The following PXDN variants were observed in gnomAD, a reference collection of about 807,000 sequenced individuals.
PXDN encodes peroxidasin homolog.
In PXDN, 77 loss-of-function variants were observed where a neutral mutation model predicts 140.3. The ratio of observed to expected loss-of-function variants is 0.55; its 90% CI spans 0.46 to 0.66. PXDN has a LOEUF of 0.66. Among genes scored for constraint, PXDN ranks in the 30% least tolerant of loss-of-function variants. PXDN has a pLI of 0.00. For synonymous variants in PXDN, 911 were observed against 857.4 expected (o/e 1.06, Z -1.09); for missense variants, 1,838 against 2,039.5 (o/e 0.90, Z 1.90).
chr2:1,673,838 T>G lies in PXDN; in HGVS notation c.849-26A>C, dbSNP rs762930013. The G allele has an allele frequency of 6.2e-6, 10 of 1,612,978 alleles. No homozygotes were observed. In the East Asian group the frequency reaches 2.0e-4, roughly 32 times the overall value. ...CTACAAAGACAGAAATATGGTCTGG[T>G]CAAGTGTTGAAAGCACAAAGACGTA... is the stretch of plus-strand genomic sequence containing the variant. On this transcript the variant is annotated intron_variant, in intron 8 of 22. Transcript: ENST00000252804.
Position 1,649,522 on chromosome 2 carries a change from T to A in PXDN, c.2258A>T (p.His753Leu). ...THDGTCNNLQ[H>L]PMWGASLTAF... ...GGTCAGCGAGGCGCCCCACATGGGG[T>A]GCTGCAGGTTGTTACAGGTGCCGTC... The change falls in exon 17 of 23, where the codon CAC (histidine) becomes CTC (leucine). Residue 753 changes from histidine to leucine, a missense_variant. Around this residue, in one of 5 missense-constraint regions of PXDN, gnomAD observed 537 missense variants for 583.9 expected, o/e 0.92. Coordinates refer to ENST00000252804, the MANE Select transcript of PXDN (RefSeq NM_012293.3). This position sits in a 1 kb window ranked among gnomAD's most constrained non-coding sequence, Gnocchi z 7.1. The A allele has an allele frequency of 6.2e-7, 1 of 1,613,926 alleles. No individual in the cohort carries two copies. Among genetic ancestry groups the A allele is most frequent in the South Asian group, 1.1e-5 (1 of 91,084 alleles).
Position 1,639,726 on chromosome 2 carries a change from C to T in PXDN, c.3953-304G>A, listed in dbSNP as rs1407036216. ...CACACCCTCGCGGAGTTCCCTCCAC[C>T]CACAGATGGAGGCTCAGGCACTCTG... On this transcript the variant is annotated intron_variant, in intron 19 of 22. Coordinates refer to ENST00000252804, the MANE Select transcript of PXDN (RefSeq NM_012293.3). This position sits in a 1 kb window ranked among gnomAD's most constrained non-coding sequence, Gnocchi z 5.0. 3.3e-5 allele frequency among the ~76,000 whole-genome samples: 5 copies of T among 152,176 alleles called. No individual in the cohort carries two copies. Among genetic ancestry groups the T allele is most frequent in the Admixed American group, 1.3e-4 (2 of 15,290 alleles).
intron 1 of PXDN, among the ~76,000 whole-genome samples, chr2:1,699,361 A>T (rs1470108461): frequency 1.3e-5 from 2 of 151,452 alleles, no homozygotes; most frequent in Admixed American, 1.3e-4. Context: ...AACAATCTTG[A>T]CTTTTCCCAT....
Position 1,648,179 on chromosome 2 carries a change from G to T in PXDN, c.3601C>A (p.Leu1201Met). ...ACAGCCTCTTCAGCTCACCTTTTCA[G>T]TTTCTCCCGGATCTCAGGGTTTTTA... ...EIKNPEIREK[L>M]KRLYGSTLNI... Residue 1201 changes from leucine (L) to methionine (M), a missense_variant, in exon 17 of 23, where the codon CTG becomes ATG. Around this residue, in one of 5 missense-constraint regions of PXDN, gnomAD observed 850 missense variants for 894.1 expected, o/e 0.95. Transcript: ENST00000252804. The surrounding 1 kb of genome is among the most constrained non-coding windows in gnomAD (Gnocchi z 8.9). The T allele has an allele frequency of 6.2e-7, 1 of 1,611,144 alleles. No homozygotes were observed.
intron 7 of PXDN, 71 bp downstream of exon 7, chr2:1,680,107 TTGTGTGTGTAGATGG>T (rs1020527341): frequency 1.2e-5 from 13 of 1,085,264 alleles, no homozygotes; most frequent in African/African-American, 5.5e-5. Flanking sequence ...TGTGTGGATG[TTGTGTGTGTAGATGG>T]TGTGTGTGTG....
chr2:1,730,443 G>C (rs925215085), intron 1 of PXDN, among the ~76,000 whole-genome samples: 4 of 152,228 alleles, frequency 2.6e-5, no homozygotes, highest in African/African-American at 9.6e-5. Flanking sequence ...TGGGAGAGAA[G>C]GCAGTGGGGC....
At chr2:1,663,113 C>T (rs1683344860) in intron 12 of PXDN, among the ~76,000 whole-genome samples, 1 of 152,132 alleles carries the variant, frequency 6.6e-6, no homozygotes, top group Non-Finnish European at 1.5e-5. Flanking sequence ...AGAGAACAGG[C>T]AAAGGCGACA....
chr2:1,670,419 G>A (rs1683545704), intron 9 of PXDN, among the ~76,000 whole-genome samples: 1 of 152,074 alleles, frequency 6.6e-6, no homozygotes, highest in Non-Finnish European at 1.5e-5. Context: ...TATATAGATA[G>A]GAAAGAAACT....
rs56675843 is a variant in PXDN, at chr2:1,644,483, A to T, written c.3743+135T>A. 3,243 of 1,074,596 alleles carry T rather than the reference A, an allele frequency of 3.0e-3. 74 individuals are homozygous for T. In the African/African-American group the frequency reaches 0.047, roughly 15 times the overall value. The allele number at this position is 1,074,596 out of a possible 1,614,324, so 66.6% of individuals were successfully genotyped here. On this transcript the variant is annotated intron_variant, in intron 18 of 22. Coordinates refer to ENST00000252804, the MANE Select transcript of PXDN (RefSeq NM_012293.3). ...ATACCAGGGCCTCAGTGCCTTCCTC[A>T]TTCTCAACCGGGGACACACAGAAGA...
intron 1 of PXDN, among the ~76,000 whole-genome samples, chr2:1,726,245 G>A (rs1685180772): frequency 6.7e-6 from 1 of 150,336 alleles, no homozygotes. Context: ...ATACTATGCA[G>A]CCATAAAAAA....
At chr2:1,732,534 T>C (rs369891417) in intron 1 of PXDN, among the ~76,000 whole-genome samples, 89 of 152,306 alleles carry the variant, frequency 5.8e-4, no homozygotes, top group African/African-American at 2.0e-3. Context: ...GTATGGGACA[T>C]GGAAGGGCCT....
intron 1 of PXDN, among the ~76,000 whole-genome samples, chr2:1,695,757 C>T (rs1684287242): frequency 6.0e-5 from 5 of 82,772 alleles, no homozygotes; most frequent in Admixed American, 4.6e-4. Flanking sequence ...GTCCCATCCA[C>T]AGGCCCCTGT....
At chr2:1,655,097 T>A (rs1683098979) in intron 14 of PXDN, among the ~76,000 whole-genome samples, 1 of 150,304 alleles carries the variant, frequency 6.7e-6, no homozygotes, top group African/African-American at 2.5e-5. Context: ...TAGAACATTA[T>A]ACACAGACAC....
chr2:1,677,580 G>A (rs1309261874), intron 7 of PXDN, among the ~76,000 whole-genome samples: 9 of 152,068 alleles, frequency 5.9e-5, no homozygotes, highest in East Asian at 1.9e-4. Flanking sequence ...TGCCTCCTGC[G>A]TGCCCGTGAC....
intron 1 of PXDN, among the ~76,000 whole-genome samples, chr2:1,706,290 T>C (rs1684605572): frequency 6.6e-6 from 1 of 152,192 alleles, no homozygotes; most frequent in Non-Finnish European, 1.5e-5. Flanking sequence ...TGGGTCACAG[T>C]CCTGCCTCCA....
intron 17 of PXDN, among the ~76,000 whole-genome samples, chr2:1,645,473 C>T (rs998633038): frequency 2.0e-5 from 3 of 152,184 alleles, no homozygotes; most frequent in African/African-American, 7.2e-5. Context: ...CTATAATTCT[C>T]ACTGCCCTTT....
At chr2:1,641,919 C>T (rs535737593) in intron 19 of PXDN, among the ~76,000 whole-genome samples, 1 of 152,180 alleles carries the variant, frequency 6.6e-6, no homozygotes, top group African/African-American at 2.4e-5. Flanking sequence ...CAATTTTCTA[C>T]AAACAGAACA....
Position 1,632,807 on chromosome 2 carries a change from C to G in PXDN, c.*1397G>C, listed in dbSNP as rs914518518. On this transcript the variant is annotated 3_prime_UTR_variant, in exon 23 of 23. Transcript: ENST00000252804. The surrounding 1 kb of genome is among the most constrained non-coding windows in gnomAD (Gnocchi z 4.3). Reference sequence around the variant, plus strand: ...CCTGAACCGAAACGGCCCCTGACCTCAGGGGCTCCCTCCACCACCTCAGCT... The same window carrying G: ...CCTGAACCGAAACGGCCCCTGACCTGAGGGGCTCCCTCCACCACCTCAGCT... 2.0e-5 allele frequency: 3 copies of G among 152,430 alleles called. No individual in the cohort carries two copies. The highest frequency in any genetic ancestry group is 7.2e-5 in the African/African-American group (3 of 41,450). The allele number at this position is 152,430 out of a possible 1,614,324, so 9.4% of individuals were successfully genotyped here.
At chr2:1,682,812 C>T (rs1163076297) in intron 6 of PXDN, among the ~76,000 whole-genome samples, 5 of 152,082 alleles carry the variant, frequency 3.3e-5, no homozygotes, top group Non-Finnish European at 5.9e-5. Context: ...TGGTCGCACG[C>T]GCCTGTAATC....
Sources: allele counts gnomAD v4.1 joint callset (sites outside exome capture counted in the v4.1 genomes callset), GRCh38; gene constraint gnomAD v4.1.1; regional missense constraint gnomAD v4.1.1; non-coding constraint Gnocchi (gnomAD v3.1); transcripts MANE v1.5; gene names NCBI Gene and HGNC (gene_info 2026-07-23, HGNC 2026-07-21).